The following PHLDB3 variants were observed in gnomAD, a reference collection of about 807,000 sequenced individuals.
PHLDB3 encodes the protein pleckstrin homology like domain family B member 3.
A neutral mutation model predicts 85.7 loss-of-function variants in PHLDB3; 86 were observed. The ratio of observed to expected loss-of-function variants is 1.00; its 90% CI spans 0.84 to 1.20. The LOEUF is 1.20. Ranked by LOEUF, PHLDB3 falls within the 50% of genes most tolerant of loss-of-function variation. The probability of loss-of-function intolerance (pLI) is 0.00; values close to 1 mark genes in which losing one functional copy is unlikely to be tolerated. For synonymous variants in PHLDB3, 376 were observed against 349.8 expected (o/e 1.07, Z -0.83); for missense variants, 995 against 873.0 (o/e 1.14, Z -1.76).
chr19:43,490,778 G>A (rs1179161572), intron 9 of PHLDB3, among the ~76,000 whole-genome samples: 1 of 152,156 alleles, frequency 6.6e-6, no homozygotes, highest in African/African-American at 2.4e-5. Context: ...CACTTATGTT[G>A]TAGGAACTGC....
chr19:43,484,808 T>G (rs1353539477), intron 13 of PHLDB3, among the ~76,000 whole-genome samples: 1 of 152,128 alleles, frequency 6.6e-6, no homozygotes, highest in Non-Finnish European at 1.5e-5. Context: ...GAGTGGGATG[T>G]AGGTATGGGA....
Position 43,479,460 on chromosome 19 carries a change from A to T in PHLDB3, c.1619T>A (p.Val540Glu), listed in dbSNP as rs746457190. Reference sequence around the variant, plus strand: ...GGTCTTGATGCGGCCGCCCATCTTCACCAGGGGTCCACGGCAGCAGCACCC... The same window carrying T: ...GGTCTTGATGCGGCCGCCCATCTTCTCCAGGGGTCCACGGCAGCAGCACCC... ...VSGCCCRGPLVKMGGRIKTWR... is the reference protein window; with the variant it reads ...VSGCCCRGPLEKMGGRIKTWR... The change falls in exon 14 of 16, where the codon GTG (valine) becomes GAG (glutamate). Residue 540 changes from valine (V) to glutamate (E), a missense_variant. Val to Glu is a moderately radical substitution (Grantham distance 121). Transcript: ENST00000292140. 1.3e-6 allele frequency: 2 copies of T among 1,564,824 alleles called. No homozygotes were observed. The highest frequency in any genetic ancestry group is 1.7e-4 in the Middle Eastern group (1 of 6,024).
rs1005601952 is a variant in PHLDB3, at chr19:43,477,678, G to A, written c.1788+369C>T. The stretch of plus-strand genomic sequence containing the variant: ...AAAAATACAAAAATTAGCCGGGCAC[G>A]GTGCCTGTAATCCCAGCTACTCAGG... On this transcript the variant is annotated intron_variant, in intron 15 of 15. Coordinates refer to ENST00000292140, the MANE Select transcript of PHLDB3 (RefSeq NM_198850.4). Among the ~76,000 whole-genome samples the A allele has an allele frequency of 2.7e-5, 4 of 148,216 alleles. No individual in the cohort carries two copies. The East Asian group carries it at 6.0e-4, about 22-fold the overall frequency.
At chr19:43,502,401 T>A in intron 2 of PHLDB3, 118 bp from the exon 3 acceptor site, 2 of 886,122 alleles carry the variant, frequency 2.3e-6, no homozygotes, top group South Asian at 1.9e-5. Flanking sequence ...TCCACTTACC[T>A]AACACAACCA....
chr19:43,481,454 G>A (rs1385925239), intron 13 of PHLDB3, among the ~76,000 whole-genome samples: 9 of 152,202 alleles, frequency 5.9e-5, no homozygotes, highest in Admixed American at 3.3e-4. Flanking sequence ...CCCTGTCTCT[G>A]CTGAAAATAC....
intron 10 of PHLDB3, 45 bp from the exon 11 acceptor site, chr19:43,486,915 C>A (rs771062760): frequency 1.0e-5 from 15 of 1,492,352 alleles, no homozygotes; most frequent in Non-Finnish European, 1.3e-5. Context: ...ACACCCTGGC[C>A]TGAGCCTATC....
At chr19:43,498,114 G>C (rs1209520033) in intron 4 of PHLDB3, among the ~76,000 whole-genome samples, 3 of 152,152 alleles carry the variant, frequency 2.0e-5, no homozygotes, top group African/African-American at 7.2e-5. Context: ...AAAGTGGGAA[G>C]ATCTCTTGAG....
rs922977728 is a variant in PHLDB3 at position 43,502,143 on chromosome 19, T to C, written c.354A>G (p.Arg118=). The change falls in exon 3 of 16, where the codon CGA becomes CGG. Residue 118 remains arginine (R), a synonymous_variant. Coordinates refer to ENST00000292140, the MANE Select transcript of PHLDB3 (RefSeq NM_198850.4). ...ALTRVALMEQ[R]VKELQRQRKE... is the part of the protein sequence containing the mutation. ...TCCTCTGGCGCTGTAGCTCCTTCAC[T>C]CGCTGCTCCATCAGGGCCACACGAG... is the stretch of plus-strand genomic sequence containing the variant. The C allele has an allele frequency of 1.3e-6, 2 of 1,580,928 alleles. No homozygotes were observed. Among genetic ancestry groups the C allele is most frequent in the Middle Eastern group, 3.4e-4 (2 of 5,856 alleles).
chr19:43,497,332 G>A, intron 5 of PHLDB3, 53 bp from the exon 6 acceptor site: 1 of 1,324,226 alleles, frequency 7.6e-7, no homozygotes. Flanking sequence ...AGACCCCAGG[G>A]AGTAGTGGGC....
At chr19:43,484,128 G>A (rs1971102571) in intron 13 of PHLDB3, among the ~76,000 whole-genome samples, 1 of 151,806 alleles carries the variant, frequency 6.6e-6, no homozygotes, top group Non-Finnish European at 1.5e-5. Context: ...GTGGGCGCCT[G>A]TAATCCTAGC....
chr19:43,475,274 CGCGCCTGCG>C lies in PHLDB3; in HGVS notation c.*127_*135del. On this transcript the variant is annotated 3_prime_UTR_variant, in exon 16 of 16. Coordinates refer to ENST00000292140, the MANE Select transcript of PHLDB3 (RefSeq NM_198850.4). ...CAGCAGCTCAGGCCAGCTGAACTGC[CGCGCCTGCG>C]GAATTCCCGGGAGAGTTCCAAAGCG... 7.9e-7 allele frequency: 1 copy of C among 1,257,866 alleles called. No homozygotes were observed. The highest frequency in any genetic ancestry group is 1.5e-5 in the South Asian group (1 of 65,060). 77.9% of individuals were successfully genotyped at this position (1,257,866 alleles called of 1,614,324 possible).
chr19:43,499,882 G>A (rs1339632681), intron 4 of PHLDB3, among the ~76,000 whole-genome samples: 2 of 152,180 alleles, frequency 1.3e-5, no homozygotes, highest in African/African-American at 4.8e-5. Flanking sequence ...TGGGATTACT[G>A]GTGCCTGCCA....
intron 4 of PHLDB3, 185 bp downstream of exon 4, chr19:43,501,549 C>A: frequency 8.4e-7 from 1 of 1,193,762 alleles, no homozygotes; most frequent in South Asian, 1.6e-5. Flanking sequence ...GGAAGAGCCC[C>A]AAAAATCTCG....
intron 9 of PHLDB3, among the ~76,000 whole-genome samples, chr19:43,488,312 C>T (rs1407866395): frequency 5.9e-5 from 9 of 151,992 alleles, no homozygotes; most frequent in Admixed American, 6.6e-5. Flanking sequence ...GAAAAATTAG[C>T]TGGGCATAGT....
At chr19:43,480,292 A>C (rs868204541) in intron 13 of PHLDB3, among the ~76,000 whole-genome samples, 56 of 126,542 alleles carry the variant, frequency 4.4e-4, no homozygotes, top group Non-Finnish European at 7.8e-4. Context: ...AAAAAAAAAA[A>C]GGAGAGAGAG....
At chr19:43,477,787 G>A (rs992929099) in intron 15 of PHLDB3, among the ~76,000 whole-genome samples, 18 of 147,650 alleles carry the variant, frequency 1.2e-4, no homozygotes, top group African/African-American at 4.5e-4. Context: ...AGGCCTGGGC[G>A]ACAGAATGAG....
intron 4 of PHLDB3, among the ~76,000 whole-genome samples, chr19:43,498,812 T>C (rs1971526151): frequency 2.0e-5 from 3 of 152,062 alleles, no homozygotes; most frequent in Admixed American, 2.0e-4. Context: ...TAAAAGGAGC[T>C]AGAAGAGCAT....
intron 2 of PHLDB3, among the ~76,000 whole-genome samples, chr19:43,502,793 G>T (rs997550066): frequency 6.6e-6 from 1 of 151,960 alleles, no homozygotes; most frequent in Non-Finnish European, 1.5e-5. Flanking sequence ...GGGGGAGGGT[G>T]CAAGTCCCGT....
chr19:43,501,902 G>A lies in PHLDB3; in HGVS notation c.397-31C>T, dbSNP rs754391636. ...GAGAGAATGCCAGGGCTGGGGGCTC[G>A]GACGCCTAGGTCCAAGGAAGAGGCC... On this transcript the variant is annotated intron_variant, in intron 3 of 15. Coordinates refer to ENST00000292140, the MANE Select transcript of PHLDB3 (RefSeq NM_198850.4). The A allele has an allele frequency of 3.2e-6, 5 of 1,557,752 alleles. No individual in the cohort carries two copies. In the Admixed American group the frequency reaches 7.5e-5, roughly 23 times the overall value.
Sources: allele counts gnomAD v4.1 joint callset (sites outside exome capture counted in the v4.1 genomes callset), GRCh38; gene constraint gnomAD v4.1.1; transcripts MANE v1.5; gene names NCBI Gene and HGNC (gene_info 2026-07-23, HGNC 2026-07-21).